ANKS1B: variants seen among roughly 807,000 people sequenced by gnomAD.
ANKS1B encodes the protein ankyrin repeat and sterile alpha motif domain containing 1B, also known as ankyrin repeat and sterile alpha motif domain-containing protein 1B.
In ANKS1B, 36 loss-of-function variants were observed where a neutral mutation model predicts 148.3. That is an observed-to-expected ratio of 0.24 (90% CI 0.19 to 0.32). The LOEUF (loss-of-function observed/expected upper bound fraction) is 0.32, where lower values mean the gene tolerates loss of function less well. ANKS1B is among the 10% of genes least tolerant of loss of function. The probability of loss-of-function intolerance (pLI) is 1.00; values close to 1 mark genes in which losing one functional copy is unlikely to be tolerated. For synonymous variants in ANKS1B, 542 were observed against 560.8 expected (o/e 0.97, Z 0.47); for missense variants, 1,157 against 1,542.6 (o/e 0.75, Z 4.19).
intron 8 of ANKS1B, among the ~76,000 whole-genome samples, chr12:99,731,459 T>TGTGTGTGTGTGTG (rs1567736260): frequency 2.0e-5 from 3 of 148,062 alleles, no homozygotes; most frequent in African/African-American, 5.0e-5. Context: ...TGTGTGTGTG[T>TGTGTGTGTGTGTG]TTTAATTATC....
At chr12:98,812,735 A>G (rs1289823650) in intron 19 of ANKS1B, among the ~76,000 whole-genome samples, 2 of 152,010 alleles carry the variant, frequency 1.3e-5, no homozygotes, top group Non-Finnish European at 2.9e-5. Flanking sequence ...CACCATATCC[A>G]GCTAATTTTT....
At position 99,183,633 on chromosome 12, in the gene ANKS1B, A is replaced by C. The variant is rs542255976; in HGVS notation, c.2420-29238T>G. On this transcript the variant is annotated intron_variant, in intron 14 of 26. Coordinates refer to ENST00000683438, the MANE Select transcript of ANKS1B (RefSeq NM_001352186.2). ...ACTCCAGCCTGGGTAACAAGAGCAA[A>C]ACTCCATCTCCAAAAACAACAACAA... 5.3e-5 allele frequency among the ~76,000 whole-genome samples: 8 copies of C among 152,274 alleles called. No individual in the cohort carries two copies. The South Asian group carries it at 1.7e-3, about 32-fold the overall frequency.
At chr12:99,801,284 C>T (rs1357007772) in intron 4 of ANKS1B, among the ~76,000 whole-genome samples, 4 of 152,150 alleles carry the variant, frequency 2.6e-5, no homozygotes, top group Non-Finnish European at 5.9e-5. Context: ...CCCAGGCTAA[C>T]TTACAGCATC....
chr12:99,142,684 C>T (rs766975074), intron 15 of ANKS1B, among the ~76,000 whole-genome samples: 33 of 152,030 alleles, frequency 2.2e-4, no homozygotes, highest in Non-Finnish European at 2.6e-4. Context: ...GTTCTTCTTT[C>T]CACTATATTA....
intron 17 of ANKS1B, among the ~76,000 whole-genome samples, chr12:98,993,994 TTTA>T (rs1412388484): frequency 1.3e-5 from 2 of 152,216 alleles, no homozygotes; most frequent in Non-Finnish European, 2.9e-5. Flanking sequence ...ATAAAACTAA[TTTA>T]TTAACTATCA....
intron 12 of ANKS1B, among the ~76,000 whole-genome samples, chr12:99,251,969 C>A (rs906278447): frequency 1.3e-5 from 2 of 151,840 alleles, no homozygotes; most frequent in African/African-American, 2.4e-5. Context: ...TACATTCCAG[C>A]AGAAAAGATG....
At chr12:99,401,483 T>C (rs953590546) in intron 11 of ANKS1B, among the ~76,000 whole-genome samples, 3 of 146,694 alleles carry the variant, frequency 2.0e-5, no homozygotes, top group Non-Finnish European at 4.5e-5. Context: ...CCCCCATTTC[T>C]AATTGTTTCT....
At chr12:99,448,035 T>C (rs1304610067) in intron 10 of ANKS1B, among the ~76,000 whole-genome samples, 1 of 151,962 alleles carries the variant, frequency 6.6e-6, no homozygotes, top group East Asian at 1.9e-4. Flanking sequence ...TTAGAGAGAA[T>C]AGTATGGAGT....
At chr12:99,185,716 T>C (rs752231520) in intron 14 of ANKS1B, among the ~76,000 whole-genome samples, 1 of 152,206 alleles carries the variant, frequency 6.6e-6, no homozygotes, top group Non-Finnish European at 1.5e-5. Context: ...CTGGCCCAGA[T>C]ACTACGCTTT....
chr12:99,721,642 C>G (rs748131217), intron 8 of ANKS1B, among the ~76,000 whole-genome samples: 1 of 152,210 alleles, frequency 6.6e-6, no homozygotes, highest in East Asian at 1.9e-4. Flanking sequence ...TTCGCTGACT[C>G]TCTTTTCGGA....
chr12:99,835,719 C>T (rs1603247947), intron 1 of ANKS1B, among the ~76,000 whole-genome samples: 1 of 152,032 alleles, frequency 6.6e-6, no homozygotes, highest in Non-Finnish European at 1.5e-5. Context: ...TACTATATTG[C>T]ACAGCACAGG....
At chr12:99,010,980 T>G (rs2099939075) in intron 17 of ANKS1B, among the ~76,000 whole-genome samples, 1 of 150,346 alleles carries the variant, frequency 6.7e-6, no homozygotes, top group African/African-American at 2.5e-5. Flanking sequence ...TGGCCTCAAG[T>G]GATCCACCCA....
chr12:99,057,607 G>C (rs544070233), intron 16 of ANKS1B, among the ~76,000 whole-genome samples: 1 of 152,046 alleles, frequency 6.6e-6, no homozygotes, highest in Non-Finnish European at 1.5e-5. Flanking sequence ...CCAATTCTTC[G>C]TTCTCTTACT....
intron 9 of ANKS1B, among the ~76,000 whole-genome samples, chr12:99,517,168 C>A (rs1458547476): frequency 6.6e-6 from 1 of 151,980 alleles, no homozygotes; most frequent in African/African-American, 2.4e-5. Flanking sequence ...TTTTCATTTT[C>A]TTGTATGATC....
chr12:98,895,676 CG>C (rs2099763493), intron 17 of ANKS1B, among the ~76,000 whole-genome samples: 1 of 152,148 alleles, frequency 6.6e-6, no homozygotes, highest in Admixed American at 6.5e-5. Flanking sequence ...TGGAGGGTCA[CG>C]GGTGAGATTT....
At chr12:99,876,371 C>A (rs1330190053) in intron 1 of ANKS1B, among the ~76,000 whole-genome samples, 1 of 151,942 alleles carries the variant, frequency 6.6e-6, no homozygotes, top group Non-Finnish European at 1.5e-5. Flanking sequence ...TTTACATCAG[C>A]CAAATCATAT....
chr12:99,181,563 G>T (rs891279067), intron 14 of ANKS1B, among the ~76,000 whole-genome samples: 1 of 152,022 alleles, frequency 6.6e-6, no homozygotes, highest in African/African-American at 2.4e-5. Context: ...AAATAATATT[G>T]GCTAATTTGA....
chr12:99,046,878 G>A (rs888878745), intron 17 of ANKS1B, among the ~76,000 whole-genome samples: 13 of 151,080 alleles, frequency 8.6e-5, no homozygotes, highest in Admixed American at 7.3e-4. Context: ...TATAATGTCC[G>A]AGATAAAAAA....
intron 17 of ANKS1B, among the ~76,000 whole-genome samples, chr12:98,986,282 G>C (rs2099923342): frequency 6.6e-6 from 1 of 151,558 alleles, no homozygotes; most frequent in Non-Finnish European, 1.5e-5. Flanking sequence ...GTCATTACCT[G>C]TTCAGGCATT....
Sources: allele counts gnomAD v4.1 joint callset (sites outside exome capture counted in the v4.1 genomes callset), GRCh38; gene constraint gnomAD v4.1.1; transcripts MANE v1.5; gene names NCBI Gene and HGNC (gene_info 2026-07-23, HGNC 2026-07-21).